Variants in XYLT1 observed in about 807,000 individuals in gnomAD.
XYLT1 encodes the protein beta-D-xylosyltransferase 1.
Under a neutral mutation model 91.3 loss-of-function variants are expected in XYLT1, and 36 were observed. That is an observed-to-expected ratio of 0.39 (90% CI 0.30 to 0.52). The LOEUF is 0.52. Ranked by LOEUF, XYLT1 falls within the 20% of genes least tolerant of loss-of-function variation. XYLT1 has a pLI of 0.68. For synonymous variants in XYLT1, 588 were observed against 532.0 expected, an observed-to-expected ratio of 1.11 and a Z score of -1.45; for missense variants, 1,242 against 1,284.5, an observed-to-expected ratio of 0.97 and a Z score of 0.51.
intron 5 of XYLT1, among the ~76,000 whole-genome samples, chr16:17,176,834 C>CTT (rs67345327): frequency 2.0e-5 from 3 of 147,376 alleles, no homozygotes; most frequent in Non-Finnish European, 3.0e-5. Context: ...CAGTCCTCTA[C>CTT]TTTTTTTTTT....
At chr16:17,357,494 C>T (rs374940519) in intron 2 of XYLT1, among the ~76,000 whole-genome samples, 1 of 152,156 alleles carries the variant, frequency 6.6e-6, no homozygotes, top group African/African-American at 2.4e-5. Flanking sequence ...CTTACAAGAC[C>T]CGCTGGTCAT....
chr16:17,359,977 G>A (rs923380059), intron 1 of XYLT1, among the ~76,000 whole-genome samples: 2 of 152,200 alleles, frequency 1.3e-5, no homozygotes, highest in Admixed American at 6.5e-5. Context: ...GTGGCAGCAT[G>A]AGTCAGACCT....
chr16:17,429,283 T>C (rs1168848176), intron 1 of XYLT1, among the ~76,000 whole-genome samples: 1 of 152,202 alleles, frequency 6.6e-6, no homozygotes, highest in African/African-American at 2.4e-5. Context: ...CTTTCTTTCC[T>C]TGCCACAAAC....
intron 5 of XYLT1, among the ~76,000 whole-genome samples, chr16:17,185,951 G>C (rs1241595424): frequency 1.3e-5 from 2 of 152,032 alleles, no homozygotes; most frequent in Non-Finnish European, 2.9e-5. Context: ...AATGAGCTGA[G>C]ATTGTACCAC....
chr16:17,205,170 G>A (rs1289113938), intron 3 of XYLT1, among the ~76,000 whole-genome samples: 1 of 152,212 alleles, frequency 6.6e-6, no homozygotes, highest in Non-Finnish European at 1.5e-5. Flanking sequence ...ATGATGGGGG[G>A]TCCCGGAGAG....
rs147445495 is a variant in XYLT1, at chr16:17,259,508, A to G, written c.403-10T>C. The G allele has an allele frequency of 1.9e-6, 3 of 1,600,358 alleles. No homozygotes were observed. Among genetic ancestry groups the G allele is most frequent in the Non-Finnish European group, 2.6e-6 (3 of 1,175,280 alleles). ...GAGAAAAGTAGCCATCCTGGAGAAG[A>G]GGGGAGAGAAACAGAAGAGAAACTT... On this transcript the variant is annotated splice_polypyrimidine_tract_variant and intron_variant, in intron 2 of 11. Coordinates refer to ENST00000261381, the MANE Select transcript of XYLT1 (RefSeq NM_022166.4).
intron 1 of XYLT1, among the ~76,000 whole-genome samples, chr16:17,454,201 C>T (rs1375222722): frequency 6.6e-6 from 1 of 152,232 alleles, no homozygotes; most frequent in East Asian, 1.9e-4. Flanking sequence ...ATATGTTTGC[C>T]GAAAGAGATG....
At chr16:17,144,803 A>T (rs1452928158) in intron 6 of XYLT1, among the ~76,000 whole-genome samples, 1 of 152,246 alleles carries the variant, frequency 6.6e-6, no homozygotes, top group Non-Finnish European at 1.5e-5. Flanking sequence ...CGCTGTGTGG[A>T]TTGCTACAGG....
In XYLT1 at chr16:17,339,861, T is replaced by G. The variant is rs548225061; in HGVS notation, c.402+18151A>C. On this transcript the variant is annotated intron_variant, in intron 2 of 11. Transcript: ENST00000261381. ...TTCCTTCCTTCCCTCCTTCCGTCTT[T>G]TCTCCCTTCCATCTGTGTATCCATC... Among the ~76,000 whole-genome samples the G allele has an allele frequency of 8.5e-5, 13 of 152,074 alleles. No homozygotes were observed. In the South Asian group the frequency reaches 2.3e-3, roughly 27 times the overall value.
chr16:17,324,965 T>C (rs1044355336), intron 2 of XYLT1, among the ~76,000 whole-genome samples: 6 of 152,222 alleles, frequency 3.9e-5, no homozygotes, highest in Admixed American at 3.9e-4. Context: ...TAACACGAGT[T>C]ATAGCTATTT....
chr16:17,450,218 A>T (rs1051144533), intron 1 of XYLT1, among the ~76,000 whole-genome samples: 5 of 152,060 alleles, frequency 3.3e-5, no homozygotes, highest in African/African-American at 1.2e-4. Context: ...GGCGCCTGTA[A>T]TCCCAGCTAC....
At chr16:17,164,059 AAAAAAAAAAAG>A (rs2031620695) in intron 5 of XYLT1, among the ~76,000 whole-genome samples, 1 of 148,852 alleles carries the variant, frequency 6.7e-6, no homozygotes, top group African/African-American at 2.5e-5. Context: ...AAAAAAAAAA[AAAAAAAAAAAG>A]AAAGACTATG....
At position 17,106,135 on chromosome 16, in the gene XYLT1, A is replaced by AAAAAC. The variant is rs1186358804; in HGVS notation, c.*2555_*2559dup. On this transcript the variant is annotated 3_prime_UTR_variant, in exon 12 of 12. Transcript: ENST00000261381. ...GCCATTTCTCCACTTGTTCCAGGAT[A>AAAAAC]AAAACAAAAAAAGGCAGACATGTTA... 6.6e-6 allele frequency: 1 copy of AAAAAC among 152,200 alleles called. No homozygotes were observed. The highest frequency in any genetic ancestry group is 1.5e-5 in the Non-Finnish European group (1 of 68,040). The allele number at this position is 152,200 out of a possible 1,614,324, so 9.4% of individuals were successfully genotyped here. A position where few individuals can be genotyped will look rare whatever the true frequency, so the allele number is the denominator to read the frequency against.
At chr16:17,157,191 G>T (rs937672768) in intron 6 of XYLT1, among the ~76,000 whole-genome samples, 3 of 151,950 alleles carry the variant, frequency 2.0e-5, no homozygotes, top group African/African-American at 7.3e-5. Flanking sequence ...CAGGTGATCC[G>T]CCTGCCTCAC....
intron 3 of XYLT1, among the ~76,000 whole-genome samples, chr16:17,226,314 G>A (rs982611166): frequency 5.3e-5 from 8 of 152,150 alleles, no homozygotes; most frequent in South Asian, 4.1e-4. Context: ...CAAGGCCACC[G>A]TTACATTCAA....
At chr16:17,435,790 C>T (rs1380034381) in intron 1 of XYLT1, among the ~76,000 whole-genome samples, 2 of 152,216 alleles carry the variant, frequency 1.3e-5, no homozygotes, top group Non-Finnish European at 2.9e-5. Context: ...TTTCATCTTA[C>T]ATCACCCGTG....
chr16:17,344,254 G>A (rs1309246687), intron 2 of XYLT1, among the ~76,000 whole-genome samples: 2 of 151,638 alleles, frequency 1.3e-5, no homozygotes, highest in African/African-American at 4.9e-5. Context: ...AGGCCAAGGC[G>A]GGCGGATCAC....
rs1304210739 is a variant in XYLT1 at position 17,470,668 on chromosome 16, C to T, written c.129G>A (p.Gly43=). The change falls in exon 1 of 12, where the codon GGG becomes GGA. Residue 43 remains glycine (G), a synonymous_variant. Coordinates refer to ENST00000261381, the MANE Select transcript of XYLT1 (RefSeq NM_022166.4). The part of the protein sequence containing the change: ...WNFSSLDSGA[G]ERRGGAAVGG... ...CGACCGCTGCGCCCCCGCGGCGCTCCCCGGCCCCGGAGTCGAGGCTGCTGA... is the reference window on the plus strand; with the variant it reads ...CGACCGCTGCGCCCCCGCGGCGCTCTCCGGCCCCGGAGTCGAGGCTGCTGA... The T allele has an allele frequency of 3.5e-6, 4 of 1,147,922 alleles. No individual in the cohort carries two copies. Among genetic ancestry groups the T allele is most frequent in the East Asian group, 1.8e-4 (2 of 10,980 alleles). 71.1% of individuals were successfully genotyped at this position (1,147,922 alleles called of 1,614,324 possible). A position where few individuals can be genotyped will look rare whatever the true frequency, so the allele number is the denominator to read the frequency against.
Position 17,363,812 on chromosome 16 carries a change from G to A in XYLT1, c.364-5762C>T, listed in dbSNP as rs182265514. ...ACCTGCTTCAGCCTCCCAAAGTGCC[G>A]GGATTACAGCTGTGCACCATCATGC... On this transcript the variant is annotated intron_variant, in intron 1 of 11. Transcript: ENST00000261381. Among the ~76,000 whole-genome samples, 28 of 152,236 alleles carry A rather than the reference G, an allele frequency of 1.8e-4. No homozygotes were observed. The East Asian group carries it at 3.7e-3, about 20-fold the overall frequency.
Sources: allele counts gnomAD v4.1 joint callset (sites outside exome capture counted in the v4.1 genomes callset), GRCh38; gene constraint gnomAD v4.1.1; transcripts MANE v1.5; gene names NCBI Gene and HGNC (gene_info 2026-07-23, HGNC 2026-07-21).